The following CHMP4B variants were observed in gnomAD, a reference collection of about 807,000 sequenced individuals.
The protein encoded by CHMP4B is SNF7 homolog associated with Alix 1.
A neutral mutation model predicts 25.1 loss-of-function variants in CHMP4B; 1 was observed. The ratio of observed to expected loss-of-function variants is 0.04; its 90% CI spans 0.01 to 0.19. The LOEUF is 0.19. Among genes scored for constraint, CHMP4B ranks in the 10% least tolerant of loss-of-function variants. The pLI, the probability that CHMP4B is intolerant of heterozygous loss-of-function variation, is 1.00. For synonymous variants in CHMP4B, 101 were observed against 115.6 expected (o/e 0.87, Z 0.81); for missense variants, 151 against 289.7 (o/e 0.52, Z 3.48).
Position 33,811,396 on chromosome 20 carries a change from GAGCCGACCC to G in CHMP4B, c.-72_-64del, listed in dbSNP as rs1978600708. 6 of 1,272,726 alleles carry G rather than the reference GAGCCGACCC, an allele frequency of 4.7e-6. No homozygotes were observed. The South Asian group carries it at 6.9e-5, about 15-fold the overall frequency. The allele number at this position is 1,272,726 out of a possible 1,614,324, so 78.8% of individuals were successfully genotyped here. A position where few individuals can be genotyped will look rare whatever the true frequency, so the allele number is the denominator to read the frequency against. ...GCGGCGGGACTGGGAGCGGGCGCCG[GAGCCGACCC>G]GAGCCGAGCCGAGCCGAGCCGAGCC... On this transcript the variant is annotated 5_prime_UTR_variant, in exon 1 of 5. Transcript: ENST00000217402.
chr20:33,817,958 A>C (rs1978827945), intron 1 of CHMP4B, among the ~76,000 whole-genome samples: 1 of 152,202 alleles, frequency 6.6e-6, no homozygotes, highest in South Asian at 2.1e-4. Context: ...AAAGATTCCC[A>C]GTTTGAATGC....
intron 2 of CHMP4B, among the ~76,000 whole-genome samples, chr20:33,850,228 CTTGCTGATG>C (rs1193678695): frequency 6.6e-6 from 1 of 152,208 alleles, no homozygotes; most frequent in Non-Finnish European, 1.5e-5. Flanking sequence ...GCAGAAAAAG[CTTGCTGATG>C]TTGCTCTAGA....
At chr20:33,828,170 C>T (rs1979144504) in intron 1 of CHMP4B, among the ~76,000 whole-genome samples, 1 of 152,240 alleles carries the variant, frequency 6.6e-6, no homozygotes, top group African/African-American at 2.4e-5. Context: ...ATTCCTGTCT[C>T]TTAAGCAGTT....
chr20:33,824,418 G>T (rs996703042), intron 1 of CHMP4B, among the ~76,000 whole-genome samples: 3 of 152,212 alleles, frequency 2.0e-5, no homozygotes, highest in Admixed American at 2.0e-4. Flanking sequence ...AGGTTGAGGA[G>T]CACAAGGTTG....
At chr20:33,840,555 C>G (rs907110533) in intron 1 of CHMP4B, among the ~76,000 whole-genome samples, 2 of 152,138 alleles carry the variant, frequency 1.3e-5, no homozygotes, top group Admixed American at 6.6e-5. Flanking sequence ...TTCTTTGTGC[C>G]CCAGTGCTGG....
chr20:33,835,527 C>G (rs1383160772), intron 1 of CHMP4B, among the ~76,000 whole-genome samples: 2 of 152,166 alleles, frequency 1.3e-5, no homozygotes, highest in Admixed American at 1.3e-4. Flanking sequence ...TATTTTTTCT[C>G]TCTGTATTTC....
chr20:33,824,258 A>G (rs1219501120), intron 1 of CHMP4B, among the ~76,000 whole-genome samples: 2 of 152,218 alleles, frequency 1.3e-5, no homozygotes, highest in Non-Finnish European at 2.9e-5. Context: ...TTGTGAACCT[A>G]GAGGCAGAGT....
chr20:33,814,009 G>A (rs1978714196), intron 1 of CHMP4B, among the ~76,000 whole-genome samples: 2 of 152,184 alleles, frequency 1.3e-5, no homozygotes, highest in Non-Finnish European at 1.5e-5. Flanking sequence ...GGGATTATGG[G>A]CATGAGCCAT....
At chr20:33,827,748 C>T (rs1263306195) in intron 1 of CHMP4B, among the ~76,000 whole-genome samples, 5 of 152,184 alleles carry the variant, frequency 3.3e-5, no homozygotes, top group African/African-American at 9.7e-5. Flanking sequence ...GACAAACCCC[C>T]AGCAGTGACC....
chr20:33,848,661 C>T lies in CHMP4B; in HGVS notation c.368+17C>T. The T allele has an allele frequency of 6.2e-7, 1 of 1,614,026 alleles. No homozygotes were observed. The highest frequency in any genetic ancestry group is 8.5e-7 in the Non-Finnish European group (1 of 1,179,936). On this transcript the variant is annotated intron_variant, in intron 2 of 4. Transcript: ENST00000217402. The stretch of plus-strand genomic sequence containing the variant: ...TGACAACATGTACGTGTCCACCCGC[C>T]CCTGCGCCACAGGGCAGTGCTAGTC...
At chr20:33,832,667 T>C (rs1979284087) in intron 1 of CHMP4B, among the ~76,000 whole-genome samples, 1 of 152,122 alleles carries the variant, frequency 6.6e-6, no homozygotes, top group Non-Finnish European at 1.5e-5. Flanking sequence ...TCTCTGCAAT[T>C]AAAAACATGT....
intron 1 of CHMP4B, among the ~76,000 whole-genome samples, chr20:33,822,154 T>C (rs954216795): frequency 2.0e-5 from 3 of 152,026 alleles, no homozygotes; most frequent in African/African-American, 7.3e-5. Flanking sequence ...TATTTATTTA[T>C]TTTTGAGAGT....
At chr20:33,842,995 T>C (rs1177933059) in intron 1 of CHMP4B, among the ~76,000 whole-genome samples, 2 of 152,236 alleles carry the variant, frequency 1.3e-5, no homozygotes, top group African/African-American at 4.8e-5. Flanking sequence ...CGTGTTTGAC[T>C]AGGAGAAAGG....
intron 1 of CHMP4B, among the ~76,000 whole-genome samples, chr20:33,847,335 TAGAATAACCAGCTCAA>T (rs1208427438): frequency 6.6e-6 from 1 of 152,136 alleles, no homozygotes; most frequent in Non-Finnish European, 1.5e-5. Flanking sequence ...TCTAGTTTCT[TAGAATAACCAGCTCAA>T]AATATGCCAA....
chr20:33,839,061 C>T (rs1489854688), intron 1 of CHMP4B, among the ~76,000 whole-genome samples: 1 of 152,178 alleles, frequency 6.6e-6, no homozygotes, highest in Non-Finnish European at 1.5e-5. Flanking sequence ...CTCATTGTCC[C>T]TAATAATAAT....
intron 1 of CHMP4B, among the ~76,000 whole-genome samples, chr20:33,831,443 T>C (rs892415960): frequency 1.3e-5 from 2 of 152,178 alleles, no homozygotes; most frequent in Non-Finnish European, 2.9e-5. Flanking sequence ...TTGGCCAGGC[T>C]GGTCTTAAAC....
At chr20:33,842,006 G>A (rs1013092150) in intron 1 of CHMP4B, among the ~76,000 whole-genome samples, 32 of 152,112 alleles carry the variant, frequency 2.1e-4, no homozygotes, top group African/African-American at 7.2e-4. Flanking sequence ...TGTGCACTGC[G>A]GGGTCCTGGC....
chr20:33,819,149 T>G (rs1042651992), intron 1 of CHMP4B, among the ~76,000 whole-genome samples: 1 of 152,146 alleles, frequency 6.6e-6, no homozygotes, highest in Non-Finnish European at 1.5e-5. Context: ...TGACCTCAAG[T>G]AATTCGCCTG....
chr20:33,827,979 G>C (rs954046034), intron 1 of CHMP4B, among the ~76,000 whole-genome samples: 1 of 152,222 alleles, frequency 6.6e-6, no homozygotes, highest in African/African-American at 2.4e-5. Flanking sequence ...AGAAAGAGCA[G>C]CGGGCTTTTC....
Sources: gnomAD v4.1 joint callset for allele counts (sites outside exome capture counted in the v4.1 genomes callset) on GRCh38, gnomAD v4.1.1 for gene constraint, MANE v1.5 for transcripts, NCBI Gene and HGNC (gene_info 2026-07-23, HGNC 2026-07-21) for gene names.